The following GABBR2 variants were observed in gnomAD, a reference collection of about 807,000 sequenced individuals.
GABBR2 encodes gamma-aminobutyric acid type B receptor subunit 2, also known as G-protein coupled receptor 51.
In GABBR2, 23 loss-of-function variants were observed where a neutral mutation model predicts 105.6. The ratio of observed to expected loss-of-function variants is 0.22; its 90% CI spans 0.16 to 0.31. The LOEUF is 0.31. GABBR2 is among the 10% of genes least tolerant of loss of function. The probability of loss-of-function intolerance (pLI) is 1.00; values close to 1 mark genes in which losing one functional copy is unlikely to be tolerated. For missense variants in GABBR2, 734 were observed against 1,245.5 expected, an observed-to-expected ratio of 0.59 and a Z score of 6.18; for synonymous variants, 478 against 499.7, an observed-to-expected ratio of 0.96 and a Z score of 0.58.
At chr9:98,636,761 T>C (rs1350312413) in intron 1 of GABBR2, among the ~76,000 whole-genome samples, 2 of 152,282 alleles carry the variant, frequency 1.3e-5, no homozygotes, top group East Asian at 1.9e-4. Flanking sequence ...CCCAAAGTGC[T>C]GCATTTTGTT....
chr9:98,308,149 G>A (rs1192071823), intron 14 of GABBR2, among the ~76,000 whole-genome samples: 1 of 152,116 alleles, frequency 6.6e-6, no homozygotes, highest in South Asian at 2.1e-4. Context: ...CAGGAGAATC[G>A]CTTGAACCCA....
At chr9:98,460,918 A>G (rs1202672465) in intron 6 of GABBR2, among the ~76,000 whole-genome samples, 2 of 152,242 alleles carry the variant, frequency 1.3e-5, no homozygotes, top group African/African-American at 4.8e-5. Flanking sequence ...AAAAAGATGC[A>G]TTACTTCAAA....
At chr9:98,645,259 A>G (rs1292050679) in intron 1 of GABBR2, among the ~76,000 whole-genome samples, 3 of 152,242 alleles carry the variant, frequency 2.0e-5, no homozygotes, top group Non-Finnish European at 4.4e-5. Context: ...ACCAGCATGT[A>G]GTGAATCTAC....
intron 7 of GABBR2, among the ~76,000 whole-genome samples, chr9:98,453,698 T>A (rs1826274898): frequency 6.6e-6 from 1 of 152,204 alleles, no homozygotes; most frequent in African/African-American, 2.4e-5. Flanking sequence ...AGAACGCTTT[T>A]CAACCATTTT....
In GABBR2 at chr9:98,648,116, T is replaced by TGTGTATAG; in HGVS notation, c.321+60300_321+60301insCTATACAC. On this transcript the variant is annotated intron_variant, in intron 1 of 18. Transcript: ENST00000259455. ...GTGTGTGTGTGTGTGTGTGTGTGTG[T>TGTGTATAG]ATAGATAGATAGATAGATAGATAGA... 8.0e-3 allele frequency among the ~76,000 whole-genome samples: 446 copies of TGTGTATAG among 55,952 alleles called. 2 individuals are homozygous for TGTGTATAG. Among genetic ancestry groups the TGTGTATAG allele is most frequent in the East Asian group, 0.014 (29 of 2,132 alleles). The allele number at this position is 55,952 out of a possible 152,430, so 36.7% of individuals were successfully genotyped here.
At chr9:98,494,136 A>G (rs1372455351) in intron 4 of GABBR2, among the ~76,000 whole-genome samples, 1 of 152,250 alleles carries the variant, frequency 6.6e-6, no homozygotes, top group East Asian at 1.9e-4. Flanking sequence ...TGGTGACGCC[A>G]GCAGCCAAGA....
intron 13 of GABBR2, among the ~76,000 whole-genome samples, chr9:98,313,007 C>G (rs1830659798): frequency 6.6e-6 from 1 of 152,208 alleles, no homozygotes; most frequent in Non-Finnish European, 1.5e-5. Flanking sequence ...GTCTCCGCCT[C>G]CCAAAGGGCT....
At chr9:98,450,982 C>T (rs1826220186) in intron 7 of GABBR2, among the ~76,000 whole-genome samples, 1 of 152,202 alleles carries the variant, frequency 6.6e-6, no homozygotes. Flanking sequence ...GATTCTGTAG[C>T]TCTCTATTCA....
chr9:98,412,436 T>G (rs1444920815), intron 7 of GABBR2, among the ~76,000 whole-genome samples: 1 of 152,250 alleles, frequency 6.6e-6, no homozygotes, highest in East Asian at 1.9e-4. Context: ...AGGATTTGAC[T>G]TGTGCTGTGA....
At chr9:98,348,703 CTTTA>C (rs1023031396) in intron 13 of GABBR2, among the ~76,000 whole-genome samples, 1 of 152,008 alleles carries the variant, frequency 6.6e-6, no homozygotes, top group African/African-American at 2.4e-5. Flanking sequence ...AATGAAATTG[CTTTA>C]TTTCTTTTTC....
Position 98,556,568 on chromosome 9 carries a change from G to A in GABBR2, c.460-14525C>T, listed in dbSNP as rs563322942. ...GTCATCCAGGATCAGTGGCTGGGGC[G>A]GGGCTGGGGTTGCGCATGGGCAAGA... is the stretch of plus-strand genomic sequence containing the variant. On this transcript the variant is annotated intron_variant, in intron 2 of 18. Coordinates refer to ENST00000259455, the MANE Select transcript of GABBR2 (RefSeq NM_005458.8). Among the ~76,000 whole-genome samples, 8 of 152,226 alleles carry A rather than the reference G, an allele frequency of 5.3e-5. No homozygotes were observed. In the South Asian group the frequency reaches 1.0e-3, roughly 20 times the overall value.
At chr9:98,627,086 G>T (rs1279796356) in intron 1 of GABBR2, among the ~76,000 whole-genome samples, 1 of 152,154 alleles carries the variant, frequency 6.6e-6, no homozygotes, top group Non-Finnish European at 1.5e-5. Flanking sequence ...ACAAGATGAG[G>T]CACCTGAGCC....
chr9:98,481,640 T>C (rs1247412237), intron 4 of GABBR2, among the ~76,000 whole-genome samples: 3 of 152,172 alleles, frequency 2.0e-5, no homozygotes, highest in African/African-American at 7.2e-5. Context: ...TCCTTTTCCA[T>C]CTCAGCCCCA....
intron 1 of GABBR2, among the ~76,000 whole-genome samples, chr9:98,663,907 C>T (rs1247180413): frequency 1.3e-5 from 2 of 152,140 alleles, no homozygotes; most frequent in East Asian, 1.9e-4. Context: ...GTTAAATACA[C>T]AGTCTGAGTT....
intron 2 of GABBR2, among the ~76,000 whole-genome samples, chr9:98,546,193 T>C (rs539838427): frequency 2.0e-5 from 3 of 152,224 alleles, no homozygotes; most frequent in African/African-American, 7.2e-5. Context: ...AAAGATGAAA[T>C]CTATAGTCAT....
At chr9:98,494,796 C>T (rs1048637076) in intron 4 of GABBR2, among the ~76,000 whole-genome samples, 1 of 152,238 alleles carries the variant, frequency 6.6e-6, no homozygotes, top group Admixed American at 6.5e-5. Context: ...GTCGTTGCTA[C>T]TTCTGTTGGA....
intron 1 of GABBR2, among the ~76,000 whole-genome samples, chr9:98,595,953 C>T (rs1030333591): frequency 1.3e-5 from 2 of 152,194 alleles, no homozygotes; most frequent in African/African-American, 2.4e-5. Context: ...TGTGTCCCAT[C>T]CCCTTTGCCT....
intron 1 of GABBR2, among the ~76,000 whole-genome samples, chr9:98,641,689 C>T (rs1829964477): frequency 6.6e-6 from 1 of 152,150 alleles, no homozygotes; most frequent in African/African-American, 2.4e-5. Flanking sequence ...ATCCATTCTG[C>T]CTTAATTTTA....
intron 11 of GABBR2, among the ~76,000 whole-genome samples, chr9:98,374,349 G>A (rs760030403): frequency 3.2e-4 from 48 of 152,208 alleles, no homozygotes; most frequent in Non-Finnish European, 6.6e-4. Flanking sequence ...AACTAAAAGC[G>A]AAGAATAGCT....
Sources: allele counts gnomAD v4.1 joint callset (sites outside exome capture counted in the v4.1 genomes callset), GRCh38; gene constraint gnomAD v4.1.1; transcripts MANE v1.5; gene names NCBI Gene and HGNC (gene_info 2026-07-23, HGNC 2026-07-21).